The following EXT1 variants were observed in gnomAD, a reference collection of about 807,000 sequenced individuals.
EXT1 encodes exostosin-1.
Under a neutral mutation model 82.5 loss-of-function variants are expected in EXT1, and 20 were observed. That is an observed-to-expected ratio of 0.24 (90% CI 0.17 to 0.35). The LOEUF (loss-of-function observed/expected upper bound fraction) is 0.35. EXT1 is among the 10% of genes least tolerant of loss of function. EXT1 has a pLI of 1.00. For missense variants in EXT1, 757 were observed against 936.5 expected, an observed-to-expected ratio of 0.81 and a Z score of 2.50; for synonymous variants, 348 against 350.8, an observed-to-expected ratio of 0.99 and a Z score of 0.09.
At chr8:117,942,320 T>G (rs1328863589) in intron 1 of EXT1, among the ~76,000 whole-genome samples, 1 of 152,194 alleles carries the variant, frequency 6.6e-6, no homozygotes, top group Non-Finnish European at 1.5e-5. Context: ...GGTTTCTTCC[T>G]TATGAGACTG....
chr8:118,108,109 A>G (rs1817831443), intron 1 of EXT1, among the ~76,000 whole-genome samples: 1 of 152,224 alleles, frequency 6.6e-6, no homozygotes. Flanking sequence ...TTAAAGTTTT[A>G]AAGAAACCAA....
intron 1 of EXT1, among the ~76,000 whole-genome samples, chr8:117,845,262 C>A (rs1232171430): frequency 1.3e-5 from 2 of 152,212 alleles, no homozygotes; most frequent in African/African-American, 2.4e-5. Flanking sequence ...GGGAAAGATA[C>A]ACCTGTCTTT....
rs528403756 is a variant in EXT1, at chr8:117,906,107, G to A, written c.963-68906C>T. On this transcript the variant is annotated intron_variant, in intron 1 of 10. Coordinates refer to ENST00000378204, the MANE Select transcript of EXT1 (RefSeq NM_000127.3). ...CCCTGATTTGCATGACTCTTGGCTT[G>A]GTATTCTATCCCTCGTATTTCTTAC... 2.0e-5 allele frequency among the ~76,000 whole-genome samples: 3 copies of A among 152,180 alleles called. No individual in the cohort carries two copies. The East Asian group carries it at 5.8e-4, about 29-fold the overall frequency.
intron 1 of EXT1, among the ~76,000 whole-genome samples, chr8:118,043,943 G>A (rs1260956058): frequency 6.6e-6 from 1 of 152,166 alleles, no homozygotes; most frequent in African/African-American, 2.4e-5. Context: ...AGCTTTCCAT[G>A]ATCTCATCAA....
chr8:118,090,045 G>A (rs1286693288), intron 1 of EXT1, among the ~76,000 whole-genome samples: 1 of 152,206 alleles, frequency 6.6e-6, no homozygotes, highest in Admixed American at 6.5e-5. Flanking sequence ...AAAAAGAGGT[G>A]TATAAAATTC....
intron 1 of EXT1, among the ~76,000 whole-genome samples, chr8:117,912,291 A>G (rs1813663467): frequency 6.6e-6 from 1 of 152,152 alleles, no homozygotes; most frequent in Non-Finnish European, 1.5e-5. Context: ...TGCCTCAACA[A>G]TTTTCAAGCC....
chr8:117,958,951 A>C (rs1183763256), intron 1 of EXT1, among the ~76,000 whole-genome samples: 1 of 152,128 alleles, frequency 6.6e-6, no homozygotes, highest in Non-Finnish European at 1.5e-5. Context: ...TTCTGAGGCT[A>C]CTGAGAACAA....
intron 1 of EXT1, among the ~76,000 whole-genome samples, chr8:117,874,063 C>T (rs532422424): frequency 2.6e-5 from 4 of 152,186 alleles, no homozygotes; most frequent in Non-Finnish European, 5.9e-5. Context: ...AGTGTAGGTG[C>T]AAAGCAGCTG....
intron 1 of EXT1, among the ~76,000 whole-genome samples, chr8:118,025,881 T>C (rs1417722138): frequency 3.3e-5 from 5 of 152,098 alleles, no homozygotes; most frequent in Admixed American, 3.3e-4. Flanking sequence ...AATCCTGAAA[T>C]TGGATGGGCT....
chr8:117,866,381 G>A (rs1167014591), intron 1 of EXT1, among the ~76,000 whole-genome samples: 1 of 152,216 alleles, frequency 6.6e-6, no homozygotes, highest in Non-Finnish European at 1.5e-5. Context: ...CACAGCTGGT[G>A]AAGGACACAG....
At chr8:117,801,413 T>C (rs996306807) in intron 10 of EXT1, among the ~76,000 whole-genome samples, 5 of 152,216 alleles carry the variant, frequency 3.3e-5, no homozygotes, top group African/African-American at 4.8e-5. Context: ...GAGAAAGATA[T>C]CAAATGGAGC....
At position 117,948,274 on chromosome 8, in the gene EXT1, C is replaced by G. The variant is rs917361503; in HGVS notation, c.963-111073G>C. ...AGTTTGGTTGGAAGTATCTGGCATG[C>G]ACAGCGAGGTGAGAGGCAGAAAGAA... On this transcript the variant is annotated intron_variant, in intron 1 of 10. Coordinates refer to ENST00000378204, the MANE Select transcript of EXT1 (RefSeq NM_000127.3). Among the ~76,000 whole-genome samples the G allele has an allele frequency of 2.4e-5, 3 of 127,062 alleles. No homozygotes were observed. In the South Asian group the frequency reaches 7.1e-4, roughly 30 times the overall value. 83.4% of individuals were successfully genotyped at this position (127,062 alleles called of 152,430 possible). A position where few individuals can be genotyped will look rare whatever the true frequency, so the allele number is the denominator to read the frequency against.
chr8:117,848,542 G>A (rs1257615211), intron 1 of EXT1, among the ~76,000 whole-genome samples: 1 of 152,164 alleles, frequency 6.6e-6, no homozygotes, highest in Non-Finnish European at 1.5e-5. Context: ...AGGTGGACCA[G>A]ATGGCCCAAA....
intron 1 of EXT1, among the ~76,000 whole-genome samples, chr8:117,998,209 T>A (rs561858552): frequency 6.6e-6 from 1 of 152,168 alleles, no homozygotes; most frequent in East Asian, 1.9e-4. Context: ...AGACGGGATT[T>A]CACCATGTTG....
intron 1 of EXT1, among the ~76,000 whole-genome samples, chr8:117,982,646 A>C (rs886102962): frequency 6.6e-6 from 1 of 151,962 alleles, no homozygotes; most frequent in African/African-American, 2.4e-5. Context: ...GTGCGCCACC[A>C]CACCCAGTTA....
chr8:117,850,897 A>T (rs1392712394), intron 1 of EXT1, among the ~76,000 whole-genome samples: 1 of 152,208 alleles, frequency 6.6e-6, no homozygotes, highest in Non-Finnish European at 1.5e-5. Context: ...GTCAGGACAC[A>T]ATATTATCTA....
At position 118,111,462 on chromosome 8, in the gene EXT1, G is replaced by C. The variant is rs1289120850; in HGVS notation, c.-416C>G. 7.5e-6 allele frequency: 4 copies of C among 535,082 alleles called. No homozygotes were observed. In the East Asian group the frequency reaches 1.2e-4, roughly 16 times the overall value. The allele number at this position is 535,082 out of a possible 1,614,324, so 33.1% of individuals were successfully genotyped here. A position where few individuals can be genotyped will look rare whatever the true frequency, so the allele number is the denominator to read the frequency against. On this transcript the variant is annotated 5_prime_UTR_variant, in exon 1 of 11. Coordinates refer to ENST00000378204, the MANE Select transcript of EXT1 (RefSeq NM_000127.3). ...GATTCCTCTCGGCAGCGTGGAAAATGAGCCCCGGGAAGGCAACTTCAACTC... is the reference window on the plus strand; with the variant it reads ...GATTCCTCTCGGCAGCGTGGAAAATCAGCCCCGGGAAGGCAACTTCAACTC...
chr8:117,819,609 A>G lies in EXT1; in HGVS notation c.1536+67T>C. On this transcript the variant is annotated intron_variant, in intron 6 of 10. Coordinates refer to ENST00000378204, the MANE Select transcript of EXT1 (RefSeq NM_000127.3). ...CTGGGGAGCCCGGGGGATAACAGGT[A>G]AGGAGGGCGGAGTCTCTGGTCTGGA... The G allele has an allele frequency of 3.7e-6, 5 of 1,350,016 alleles. No homozygotes were observed. In the South Asian group the frequency reaches 5.8e-5, roughly 16 times the overall value. The allele number at this position is 1,350,016 out of a possible 1,614,324, so 83.6% of individuals were successfully genotyped here. A position where few individuals can be genotyped will look rare whatever the true frequency, so the allele number is the denominator to read the frequency against.
intron 8 of EXT1, among the ~76,000 whole-genome samples, chr8:117,811,680 G>A (rs1240269604): frequency 6.6e-6 from 1 of 150,720 alleles, no homozygotes; most frequent in Non-Finnish European, 1.5e-5. Context: ...GCAATGGTAC[G>A]ATGTCCGCTC....
Sources: allele counts gnomAD v4.1 joint callset (sites outside exome capture counted in the v4.1 genomes callset), GRCh38; gene constraint gnomAD v4.1.1; transcripts MANE v1.5; gene names NCBI Gene and HGNC (gene_info 2026-07-23, HGNC 2026-07-21).